PTPRJ: variants seen among roughly 807,000 people sequenced by gnomAD.
PTPRJ encodes receptor-type tyrosine-protein phosphatase eta.
PTPRJ carries 129 observed loss-of-function variants against 141.3 expected under a neutral mutation model. The observed-to-expected ratio is 0.91, with a 90% CI of 0.79 to 1.06. The LOEUF is 1.06. Among genes scored for constraint, PTPRJ ranks in the 50% least tolerant of loss-of-function variants. The pLI is 0.00. For synonymous variants in PTPRJ, 610 were observed against 640.5 expected (o/e 0.95, Z 0.72); for missense variants, 1,601 against 1,679.7 (o/e 0.95, Z 0.82).
At chr11:48,161,180 C>CAAAA (rs71045549) in intron 22 of PTPRJ, among the ~76,000 whole-genome samples, 790 of 68,122 alleles carry the variant, frequency 0.012, 65 homozygotes, top group African/African-American at 0.041. Flanking sequence ...GACCCGGTCT[C>CAAAA]AAAAAAAAAA....
chr11:48,003,846 T>A (rs544138526), intron 1 of PTPRJ, among the ~76,000 whole-genome samples: 1 of 152,252 alleles, frequency 6.6e-6, no homozygotes, highest in Non-Finnish European at 1.5e-5. Flanking sequence ...TTGGGCTTCA[T>A]GGTGGCTGCC....
Position 48,159,934 on chromosome 11 carries a change from A to G in PTPRJ, c.3443A>G (p.Lys1148Arg), listed in dbSNP as rs1294365337. 6.2e-7 allele frequency: 1 copy of G among 1,613,842 alleles called. No individual in the cohort carries two copies. The highest frequency in any genetic ancestry group is 8.5e-7 in the Non-Finnish European group (1 of 1,179,914). The change falls in exon 22 of 25, where the codon AAA becomes AGA. Residue 1148 changes from lysine to arginine, a missense_variant. By Grantham distance (26) the Lys-to-Arg change is conservative. Transcript: ENST00000418331. ...AAAAATGCAATTTTGTTCTAGACCA[A>G]ATGTGAGGAGTATTGGCCCTCCAAG... ...LTKCVEQGRT[K>R]CEEYWPSKQA...
At chr11:48,112,130 T>C (rs1287060324) in intron 2 of PTPRJ, among the ~76,000 whole-genome samples, 2 of 152,058 alleles carry the variant, frequency 1.3e-5, no homozygotes. Flanking sequence ...ACTACAGCTA[T>C]AAGAAGGAGG....
chr11:48,030,349 T>C (rs1853947015), intron 1 of PTPRJ, among the ~76,000 whole-genome samples: 1 of 152,230 alleles, frequency 6.6e-6, no homozygotes, highest in South Asian at 2.1e-4. Context: ...TTTAGGGCTC[T>C]TAGAGGCCCC....
In PTPRJ at chr11:48,168,582, A is replaced by ATATATATGTG. The variant is rs1351743334; in HGVS notation, c.*1220_*1221insTATATATGTG. 1.0e-5 allele frequency: 1 copy of ATATATATGTG among 97,812 alleles called. No homozygotes were observed. Among genetic ancestry groups the ATATATATGTG allele is most frequent in the Non-Finnish European group, 2.1e-5 (1 of 46,586 alleles). 6.1% of individuals were successfully genotyped at this position (97,812 alleles called of 1,614,324 possible). A position where few individuals can be genotyped will look rare whatever the true frequency, so the allele number is the denominator to read the frequency against. On this transcript the variant is annotated 3_prime_UTR_variant, in exon 25 of 25. Coordinates refer to ENST00000418331, the MANE Select transcript of PTPRJ (RefSeq NM_002843.4). The stretch of plus-strand genomic sequence containing the variant: ...TATATATATATATATATATATATAT[A>ATATATATGTG]CACTAAGCTCTCAAAAACAGTCATT...
intron 6 of PTPRJ, among the ~76,000 whole-genome samples, chr11:48,126,275 G>A (rs138067645): frequency 2.8e-3 from 426 of 152,226 alleles, no homozygotes; most frequent in African/African-American, 9.6e-3. Flanking sequence ...AAGCAAAGTA[G>A]TAGTGATTAC....
intron 1 of PTPRJ, among the ~76,000 whole-genome samples, chr11:48,080,071 G>C (rs1017547370): frequency 1.3e-5 from 2 of 152,158 alleles, no homozygotes; most frequent in Non-Finnish European, 2.9e-5. Flanking sequence ...AGTTCCTGGG[G>C]ACAAAAGCCT....
intron 1 of PTPRJ, among the ~76,000 whole-genome samples, chr11:48,080,716 T>C (rs1855534641): frequency 6.6e-6 from 1 of 152,170 alleles, no homozygotes; most frequent in Non-Finnish European, 1.5e-5. Flanking sequence ...TGGCCTCAGC[T>C]CCACGCTCCC....
At chr11:48,132,099 CA>C in intron 8 of PTPRJ, 1 of 983,422 alleles carries the variant, frequency 1.0e-6, no homozygotes, top group Non-Finnish European at 1.2e-6. Flanking sequence ...GTCCTGAGAG[CA>C]AAAAGTTTAA....
intron 1 of PTPRJ, among the ~76,000 whole-genome samples, chr11:48,063,290 T>C (rs1201839678): frequency 6.6e-6 from 1 of 152,104 alleles, no homozygotes; most frequent in Non-Finnish European, 1.5e-5. Flanking sequence ...ATTGCACCAA[T>C]GCACTCCAGG....
At chr11:48,035,787 T>C (rs975442852) in intron 1 of PTPRJ, among the ~76,000 whole-genome samples, 2 of 152,190 alleles carry the variant, frequency 1.3e-5, no homozygotes, top group Non-Finnish European at 2.9e-5. Context: ...GGGTTAATTA[T>C]ACTGCTCTGA....
chr11:48,139,456 A>G (rs1261356505), intron 10 of PTPRJ, 30 bp from the exon 11 acceptor site: 1 of 1,601,594 alleles, frequency 6.2e-7, no homozygotes, highest in Admixed American at 1.7e-5. Context: ...AAGTCCCGGA[A>G]TCTCATGCTG....
chr11:48,111,667 G>A (rs536703960), intron 2 of PTPRJ, among the ~76,000 whole-genome samples: 1 of 152,232 alleles, frequency 6.6e-6, no homozygotes, highest in Non-Finnish European at 1.5e-5. Context: ...AACATCTACC[G>A]TAGGTAGTAG....
rs547765487 is a variant in PTPRJ at position 48,047,069 on chromosome 11, C to T, written c.97-62989C>T. Among the ~76,000 whole-genome samples the T allele has an allele frequency of 1.3e-4, 19 of 151,532 alleles. No individual in the cohort carries two copies. In the South Asian group the frequency reaches 4.0e-3, roughly 32 times the overall value. On this transcript the variant is annotated intron_variant, in intron 1 of 24. Coordinates refer to ENST00000418331, the MANE Select transcript of PTPRJ (RefSeq NM_002843.4). ...TAGCTGGGATTACAGGTGCGCACCA[C>T]CACGCCTGGCTAATTTTTGTATTTT...
chr11:48,030,306 C>A (rs1055392345), intron 1 of PTPRJ, among the ~76,000 whole-genome samples: 8 of 152,198 alleles, frequency 5.3e-5, no homozygotes, highest in African/African-American at 1.9e-4. Context: ...AGTTTTATTT[C>A]TCTCTCACAT....
intron 1 of PTPRJ, among the ~76,000 whole-genome samples, chr11:48,066,575 T>C (rs1186656737): frequency 7.0e-6 from 1 of 142,308 alleles, no homozygotes; most frequent in African/African-American, 2.8e-5. Context: ...ATTATTATTA[T>C]TATTATTATT....
chr11:48,137,889 G>A (rs550405691), intron 10 of PTPRJ, among the ~76,000 whole-genome samples: 2 of 152,276 alleles, frequency 1.3e-5, no homozygotes, highest in East Asian at 3.9e-4. Context: ...CATCCTTCTT[G>A]ATCCTCACCT....
intron 1 of PTPRJ, among the ~76,000 whole-genome samples, chr11:47,994,041 A>G (rs191907476): frequency 6.6e-6 from 1 of 151,756 alleles, no homozygotes; most frequent in Admixed American, 6.6e-5. Flanking sequence ...TTTGTATTTT[A>G]GTAGAGACGG....
intron 3 of PTPRJ, among the ~76,000 whole-genome samples, chr11:48,115,285 G>A (rs1856536850): frequency 6.6e-6 from 1 of 152,164 alleles, no homozygotes; most frequent in Admixed American, 6.5e-5. Context: ...AGACAATGGG[G>A]ATTTGGAAAG....
Sources: gnomAD v4.1 joint callset for allele counts (sites outside exome capture counted in the v4.1 genomes callset) on GRCh38, gnomAD v4.1.1 for gene constraint, MANE v1.5 for transcripts, NCBI Gene and HGNC (gene_info 2026-07-23, HGNC 2026-07-21) for gene names.